SLC41A3: variants seen among roughly 807,000 people sequenced by gnomAD.
SLC41A3 encodes solute carrier family 41 member 3.
SLC41A3 carries 44 observed loss-of-function variants against 45.4 expected under a neutral mutation model. The observed-to-expected ratio is 0.97, with a 90% CI of 0.76 to 1.25. The LOEUF (loss-of-function observed/expected upper bound fraction) is 1.25, where lower values mean the gene tolerates loss of function less well. SLC41A3 is among the 50% of genes most tolerant of loss of function. SLC41A3 has a pLI of 0.00. For synonymous variants in SLC41A3, 256 were observed against 252.4 expected (o/e 1.01, Z -0.13); for missense variants, 550 against 600.6 (o/e 0.92, Z 0.88).
intron 3 of SLC41A3, among the ~76,000 whole-genome samples, chr3:126,050,599 C>T (rs529507378): frequency 1.3e-5 from 2 of 152,276 alleles, no homozygotes; most frequent in East Asian, 3.9e-4. Flanking sequence ...CTTGTCGTGG[C>T]TTCTGTGTGA....
At chr3:126,068,372 C>T in intron 1 of SLC41A3, 126 bp from the exon 2 acceptor site, 1 of 780,600 alleles carries the variant, frequency 1.3e-6, no homozygotes, top group Non-Finnish European at 1.8e-6. Flanking sequence ...AGCCCTTACT[C>T]AGCACCTGCT....
At chr3:126,091,685 C>T (rs1363105455) in intron 1 of SLC41A3, among the ~76,000 whole-genome samples, 1 of 152,042 alleles carries the variant, frequency 6.6e-6, no homozygotes, top group Non-Finnish European at 1.5e-5. Context: ...TTTCCTGGAT[C>T]AGGAAAAAGA....
chr3:126,053,931 G>A (rs569664247), intron 2 of SLC41A3, among the ~76,000 whole-genome samples: 41 of 152,106 alleles, frequency 2.7e-4, no homozygotes, highest in African/African-American at 8.7e-4. Context: ...TTCTGCCACC[G>A]CCCTCTCCAG....
chr3:126,085,722 G>A (rs1024217360), upstream of SLC41A3, among the ~76,000 whole-genome samples: 1 of 152,060 alleles, frequency 6.6e-6, no homozygotes, highest in African/African-American at 2.4e-5. Context: ...GTTTTCATAG[G>A]TAAATGAGAG....
chr3:126,061,516 G>A (rs1177200603), intron 2 of SLC41A3, among the ~76,000 whole-genome samples: 1 of 152,212 alleles, frequency 6.6e-6, no homozygotes, highest in African/African-American at 2.4e-5. Flanking sequence ...TGCTGTGTGA[G>A]CGGCATGAGG....
chr3:126,008,990 T>A, intron 9 of SLC41A3, 110 bp from the exon 10 acceptor site: 3 of 1,360,668 alleles, frequency 2.2e-6, no homozygotes, highest in South Asian at 1.3e-5. Flanking sequence ...TTCCCAAGTG[T>A]TCACTGGACA....
chr3:126,036,436 G>A (rs1276268296), intron 3 of SLC41A3, among the ~76,000 whole-genome samples: 1 of 152,100 alleles, frequency 6.6e-6, no homozygotes, highest in East Asian at 1.9e-4. Context: ...TATGGGGCAG[G>A]GGCTGTAATC....
In SLC41A3 at chr3:126,008,859, C is replaced by A. The variant is rs866479284; in HGVS notation, c.1127G>T (p.Arg376Leu). The change falls in exon 10 of 11, where the codon CGA becomes CTA. Residue 376 changes from arginine (R) to leucine (L), a missense_variant. Arg to Leu is a moderately radical substitution (Grantham distance 102). Transcript: ENST00000360370. ...CTSEINSMSA[R>L]VLLLLVVPGH... The stretch of plus-strand genomic sequence containing the variant: ...TGGGACCACCAGCAAGAGCAGGACT[C>A]GAGCTGACATGGAATTGATTTCTGA... 6 of 1,614,118 alleles carry A rather than the reference C, an allele frequency of 3.7e-6. No individual in the cohort carries two copies. Among genetic ancestry groups the A allele is most frequent in the East Asian group, 2.2e-5 (1 of 44,874 alleles).
intron 4 of SLC41A3, among the ~76,000 whole-genome samples, chr3:126,028,681 T>C (rs898666782): frequency 7.2e-5 from 11 of 152,184 alleles, no homozygotes; most frequent in Non-Finnish European, 1.3e-4. Flanking sequence ...GAATGGTAGC[T>C]CCACCAGCAT....
chr3:126,063,725 A>T (rs1377767569), intron 2 of SLC41A3, among the ~76,000 whole-genome samples: 2 of 152,218 alleles, frequency 1.3e-5, no homozygotes, highest in African/African-American at 2.4e-5. Context: ...TAAAGTTCAG[A>T]CATGGCCGAC....
chr3:126,012,569 G>T, intron 9 of SLC41A3, 46 bp downstream of exon 9: 1 of 1,607,660 alleles, frequency 6.2e-7, no homozygotes, highest in Non-Finnish European at 8.5e-7. Context: ...ATGTTTTCTT[G>T]TTTAAAGAAA....
chr3:126,081,801 C>T (rs1258224746), intron 1 of SLC41A3, among the ~76,000 whole-genome samples: 1 of 152,236 alleles, frequency 6.6e-6, no homozygotes, highest in East Asian at 1.9e-4. Context: ...CCTCACTCAG[C>T]CACAGTCTTG....
intron 1 of SLC41A3, among the ~76,000 whole-genome samples, chr3:126,096,400 A>C (rs1945603146): frequency 6.6e-6 from 1 of 152,216 alleles, no homozygotes. Context: ...CCCCAAAAAA[A>C]AACATGGCCA....
intron 1 of SLC41A3, among the ~76,000 whole-genome samples, chr3:126,071,507 AAAAG>A (rs1944614970): frequency 1.3e-5 from 2 of 152,252 alleles, no homozygotes; most frequent in Admixed American, 6.5e-5. Flanking sequence ...GAATTTCAAC[AAAAG>A]AAAGAGGACT....
intron 1 of SLC41A3, among the ~76,000 whole-genome samples, chr3:126,100,679 A>G (rs1484878607): frequency 1.3e-5 from 2 of 152,206 alleles, no homozygotes; most frequent in African/African-American, 4.8e-5. Context: ...AGTTATCTCT[A>G]TGGGAAGCAG....
intron 8 of SLC41A3, among the ~76,000 whole-genome samples, chr3:126,013,923 C>T (rs371427264): frequency 3.9e-5 from 6 of 152,168 alleles, no homozygotes; most frequent in South Asian, 4.1e-4. Flanking sequence ...TGAGCACATG[C>T]GGTCTCTGGG....
At chr3:126,011,547 C>T (rs985857292) in intron 9 of SLC41A3, among the ~76,000 whole-genome samples, 3 of 152,046 alleles carry the variant, frequency 2.0e-5, no homozygotes, top group East Asian at 1.9e-4. Flanking sequence ...TTAAATTTTC[C>T]GATTTGACAA....
intron 1 of SLC41A3, among the ~76,000 whole-genome samples, chr3:126,099,579 A>C (rs1273793817): frequency 6.6e-6 from 1 of 152,180 alleles, no homozygotes; most frequent in Non-Finnish European, 1.5e-5. Flanking sequence ...AGGCACCTGT[A>C]GTCTCAGCTA....
chr3:126,040,989 G>A (rs1942554823), intron 3 of SLC41A3, among the ~76,000 whole-genome samples: 1 of 152,188 alleles, frequency 6.6e-6, no homozygotes, highest in African/African-American at 2.4e-5. Flanking sequence ...TAAATGAGAT[G>A]TCAGAGAATG....
Sources: gnomAD v4.1 joint callset for allele counts (sites outside exome capture counted in the v4.1 genomes callset) on GRCh38, gnomAD v4.1.1 for gene constraint, MANE v1.5 for transcripts, NCBI Gene and HGNC (gene_info 2026-07-23, HGNC 2026-07-21) for gene names.